The following ALOXE3 variants were observed in gnomAD, a reference collection of about 807,000 sequenced individuals.
ALOXE3 encodes hydroperoxide isomerase ALOXE3.
A neutral mutation model predicts 87.5 loss-of-function variants in ALOXE3; 78 were observed. The observed-to-expected ratio is 0.89, with a 90% CI of 0.74 to 1.08. The LOEUF (loss-of-function observed/expected upper bound fraction) is 1.08. Among genes scored for constraint, ALOXE3 ranks in the 50% least tolerant of loss-of-function variants. The pLI is 0.00. For synonymous variants in ALOXE3, 363 were observed against 370.8 expected, an observed-to-expected ratio of 0.98 and a Z score of 0.24; for missense variants, 946 against 912.4, an observed-to-expected ratio of 1.04 and a Z score of -0.47.
Position 8,117,916 on chromosome 17 carries a change from T to G in ALOXE3, c.75A>C (p.Thr25=). 6.2e-7 allele frequency: 1 copy of G among 1,612,288 alleles called. No individual in the cohort carries two copies. The highest frequency in any genetic ancestry group is 8.5e-7 in the Non-Finnish European group (1 of 1,179,640). The change falls in exon 2 of 16, where the codon ACA becomes ACC. Residue 25 remains threonine, a synonymous_variant. Coordinates refer to ENST00000448843, the MANE Select transcript of ALOXE3 (RefSeq NM_021628.3). ...RAGTLDNISV[T]LVGTCGESPK... ...GGCTTTCACCACACGTGCCCACCAG[T>G]GTGACAGAGATGTTGTCCAGTGTGC...
At chr17:8,097,060 T>C (rs895309402) in intron 15 of ALOXE3, among the ~76,000 whole-genome samples, 4 of 152,192 alleles carry the variant, frequency 2.6e-5, no homozygotes, top group African/African-American at 9.6e-5. Flanking sequence ...CTGCCTCTGC[T>C]GGCAAGCCTC....
At chr17:8,103,119 C>T (rs1309716422) in intron 15 of ALOXE3, among the ~76,000 whole-genome samples, 3 of 152,148 alleles carry the variant, frequency 2.0e-5, no homozygotes, top group South Asian at 2.1e-4. Flanking sequence ...AATGGATGGA[C>T]GGACAGATTG....
At chr17:8,115,961 T>C (rs906514310) in intron 3 of ALOXE3, among the ~76,000 whole-genome samples, 3 of 152,242 alleles carry the variant, frequency 2.0e-5, no homozygotes, top group Non-Finnish European at 4.4e-5. Flanking sequence ...TTGTATTCCT[T>C]TTTCTTCTTT....
chr17:8,110,638 T>C, intron 8 of ALOXE3, 110 bp from the exon 9 acceptor site: 1 of 1,467,534 alleles, frequency 6.8e-7, no homozygotes, highest in Non-Finnish European at 9.3e-7. Context: ...CCAGCTGAGG[T>C]CTCAGAAATT....
Position 8,107,820 on chromosome 17 carries a change from A to G in ALOXE3, c.1684+648T>C, listed in dbSNP as rs543114550. ...TCTCAAAAAAAAAAACAAGAAAGAA[A>G]GAAAGAAAGAAAGAAAGAAAGAAAG... On this transcript the variant is annotated intron_variant, in intron 13 of 15. Coordinates refer to ENST00000448843, the MANE Select transcript of ALOXE3 (RefSeq NM_021628.3). Among the ~76,000 whole-genome samples the G allele has an allele frequency of 2.7e-3, 6 of 2,248 alleles. No individual in the cohort carries two copies. In the South Asian group the frequency reaches 0.038, roughly 14 times the overall value. 1.5% of individuals were successfully genotyped at this position (2,248 alleles called of 152,430 possible).
upstream of ALOXE3, chr17:8,118,903 G>A: frequency 1.4e-6 from 2 of 1,472,256 alleles, no homozygotes; most frequent in Non-Finnish European, 1.8e-6. Flanking sequence ...CAGCGGCCCC[G>A]CGCGGCCGGT....
rs1487096794 is a variant in ALOXE3 at position 8,116,947 on chromosome 17, G to C, written c.181C>G (p.Leu61Val). The C allele has an allele frequency of 1.9e-6, 3 of 1,614,074 alleles. No individual in the cohort carries two copies. In the African/African-American group the frequency reaches 4.0e-5, roughly 22 times the overall value. The change falls in exon 3 of 16, where the codon CTG becomes GTG. Residue 61 changes from leucine to valine, a missense_variant. Transcript: ENST00000448843. Reference sequence around the variant, plus strand: ...ACACGCAGCAGCAAGAGCTCACCCAGCTCCGCTGTGCAACGCACCTTGTAC... The same window carrying C: ...ACACGCAGCAGCAAGAGCTCACCCACCTCCGCTGTGCAACGCACCTTGTAC... ...QKYKVRCTAE[L>V]GELLLLRVHK...
Position 8,117,977 on chromosome 17 carries a change from C to A in ALOXE3, c.14G>T (p.Arg5Leu). ...GTAGGGACCAGTGGTCACACACAGG[C>A]GGTACACTGCCATGATGGGAAGGAG... MAVY[R>L]LCVTTGPYLR... Residue 5 changes from arginine (R) to leucine (L), a missense_variant, in exon 2 of 16, where the codon CGC (arginine) becomes CTC (leucine). By Grantham distance (102) the Arg-to-Leu change is moderately radical. Transcript: ENST00000448843. 1 of 1,611,368 alleles carries A rather than the reference C, an allele frequency of 6.2e-7. No homozygotes were observed. Among genetic ancestry groups the A allele is most frequent in the Non-Finnish European group, 8.5e-7 (1 of 1,179,690 alleles).
Position 8,110,369 on chromosome 17 carries a change from G to A in ALOXE3, c.1101+16C>T. Reference sequence around the variant, plus strand: ...GCACCTGAGCCCCCATCCCGGGGCGGCGGCGCCGGGCTCACCTGGATGGCC... The same window carrying A: ...GCACCTGAGCCCCCATCCCGGGGCGACGGCGCCGGGCTCACCTGGATGGCC... On this transcript the variant is annotated intron_variant, in intron 9 of 15. Transcript: ENST00000448843. The A allele has an allele frequency of 6.2e-7, 1 of 1,603,916 alleles. No homozygotes were observed. The highest frequency in any genetic ancestry group is 8.5e-7 in the Non-Finnish European group (1 of 1,173,626).
In ALOXE3 at chr17:8,098,320, C is replaced by A. The variant is rs902736644; in HGVS notation, c.1957-1514G>T. On this transcript the variant is annotated intron_variant, in intron 15 of 15. Coordinates refer to ENST00000448843, the MANE Select transcript of ALOXE3 (RefSeq NM_021628.3). ...GTGGCGCGATCTTGGCTCGCTGCAA[C>A]CTCCGTCTCCCGGGATCAAGTGATT... 1.2e-4 allele frequency among the ~76,000 whole-genome samples: 15 copies of A among 127,092 alleles called. No individual in the cohort carries two copies. In the East Asian group the frequency reaches 1.4e-3, roughly 11 times the overall value. The allele number at this position is 127,092 out of a possible 152,430, so 83.4% of individuals were successfully genotyped here. A position where few individuals can be genotyped will look rare whatever the true frequency, so the allele number is the denominator to read the frequency against.
At chr17:8,118,876 G>A (rs1156702362), upstream of ALOXE3, 4 of 1,515,084 alleles carry the variant, frequency 2.6e-6, no homozygotes, top group Admixed American at 4.3e-5. Context: ...GAACCTCTCA[G>A]AGAAGCCCAT....
At chr17:8,107,125 C>G (rs912096619) in intron 13 of ALOXE3, among the ~76,000 whole-genome samples, 1 of 152,100 alleles carries the variant, frequency 6.6e-6, no homozygotes, top group Non-Finnish European at 1.5e-5. Context: ...ACAGACACCC[C>G]AAATATGAAA....
intron 15 of ALOXE3, among the ~76,000 whole-genome samples, chr17:8,101,968 G>C (rs1366761572): frequency 6.6e-6 from 1 of 152,206 alleles, no homozygotes; most frequent in Non-Finnish European, 1.5e-5. Context: ...GCACCAAAGG[G>C]AGTCAAGCGT....
At chr17:8,114,645 C>T (rs374118798) in intron 5 of ALOXE3, 36 bp from the exon 6 acceptor site, 1 of 1,613,078 alleles carries the variant, frequency 6.2e-7, no homozygotes, top group Admixed American at 1.7e-5. Context: ...AGAAACCAGT[C>T]AGTGGGCCCT....
At chr17:8,104,613 G>C (rs1179163439) in intron 13 of ALOXE3, among the ~76,000 whole-genome samples, 1 of 152,224 alleles carries the variant, frequency 6.6e-6, no homozygotes, top group African/African-American at 2.4e-5. Context: ...GGGCTTAGCA[G>C]CAGAGACCCA....
At chr17:8,098,989 C>G (rs1277862563) in intron 15 of ALOXE3, among the ~76,000 whole-genome samples, 1 of 151,338 alleles carries the variant, frequency 6.6e-6, no homozygotes, top group Non-Finnish European at 1.5e-5. Flanking sequence ...TAGCTGGGAT[C>G]ACAGCCATAC....
At chr17:8,118,521 C>A, upstream of ALOXE3, 1 of 1,535,590 alleles carries the variant, frequency 6.5e-7, no homozygotes, top group Non-Finnish European at 8.7e-7. Context: ...GTGTGAATCA[C>A]TAAACAGTGG....
chr17:8,103,657 G>T, intron 14 of ALOXE3, 164 bp from the exon 15 acceptor site: 1 of 839,316 alleles, frequency 1.2e-6, no homozygotes, highest in South Asian at 1.5e-5. Context: ...TCATGGAAAG[G>T]CAAGAGAGGA....
In ALOXE3 at chr17:8,114,484, G is replaced by T; in HGVS notation, c.680C>A (p.Ala227Glu). Residue 227 changes from alanine (A) to glutamate (E), a missense_variant and splice_region_variant, in exon 6 of 16, where the codon GCG becomes GAG. By Grantham distance (107) the Ala-to-Glu change is moderately radical. Transcript: ENST00000448843. ...TTCATTAGAGGGACAATGGCCTTAC[G>T]CAGGGATGGCATTGAAGAGCAGCGA... Reference protein sequence around the residue: ...TISLLFNAIPASLGMKLRGLL... With the variant: ...TISLLFNAIPESLGMKLRGLL... The T allele has an allele frequency of 1.2e-6, 2 of 1,613,996 alleles. No individual in the cohort carries two copies. The highest frequency in any genetic ancestry group is 1.7e-6 in the Non-Finnish European group (2 of 1,179,970).
Sources: gnomAD v4.1 joint callset for allele counts (sites outside exome capture counted in the v4.1 genomes callset) on GRCh38, gnomAD v4.1.1 for gene constraint, MANE v1.5 for transcripts, NCBI Gene and HGNC (gene_info 2026-07-23, HGNC 2026-07-21) for gene names.